COL21A1: variants seen among roughly 807,000 people sequenced by gnomAD.
COL21A1 encodes collagen type XXI alpha 1 chain.
Under a neutral mutation model 137.9 loss-of-function variants are expected in COL21A1, and 149 were observed. The observed-to-expected ratio is 1.08, with a 90% CI of 0.95 to 1.24. The LOEUF (loss-of-function observed/expected upper bound fraction) is 1.24, where lower values mean the gene tolerates loss of function less well. Ranked by LOEUF, COL21A1 falls within the 50% of genes most tolerant of loss-of-function variation. The pLI is 0.00. For missense variants in COL21A1, 1,167 were observed against 1,158.4 expected, an observed-to-expected ratio of 1.01 and a Z score of -0.11; for synonymous variants, 456 against 391.5, an observed-to-expected ratio of 1.16 and a Z score of -1.95.
intron 12 of COL21A1, among the ~76,000 whole-genome samples, chr6:56,135,293 T>G (rs1773911155): frequency 6.6e-6 from 1 of 151,696 alleles, no homozygotes; most frequent in African/African-American, 2.4e-5. Flanking sequence ...CACAGCCCAG[T>G]AGGAAAATAA....
intron 1 of COL21A1, among the ~76,000 whole-genome samples, chr6:56,221,836 G>A (rs904510816): frequency 6.6e-6 from 1 of 152,076 alleles, no homozygotes; most frequent in African/African-American, 2.4e-5. Context: ...TTCTATTTCA[G>A]AATCAAAATG....
At chr6:56,236,631 C>T (rs1367127973) in intron 1 of COL21A1, among the ~76,000 whole-genome samples, 3 of 152,034 alleles carry the variant, frequency 2.0e-5, no homozygotes, top group African/African-American at 4.8e-5. Flanking sequence ...CAGATGATAT[C>T]TTCCACAGTG....
intron 1 of COL21A1, among the ~76,000 whole-genome samples, chr6:56,350,466 A>T (rs1765688629): frequency 6.6e-6 from 1 of 152,214 alleles, no homozygotes; most frequent in Admixed American, 6.5e-5. Context: ...TTCATCCCTC[A>T]AAAGCGTATT....
At chr6:56,129,713 A>AGG (rs796334942) in intron 12 of COL21A1, among the ~76,000 whole-genome samples, 86 of 147,234 alleles carry the variant, frequency 5.8e-4, no homozygotes, top group African/African-American at 2.0e-3. Context: ...AGAGAGAGAG[A>AGG]GAGAGAGAGA....
At chr6:56,200,965 G>C (rs1344925788) in intron 1 of COL21A1, among the ~76,000 whole-genome samples, 1 of 152,098 alleles carries the variant, frequency 6.6e-6, no homozygotes, top group Non-Finnish European at 1.5e-5. Context: ...TCCAGCACCT[G>C]TTGTTTCCTG....
rs376819878 is a variant in COL21A1 at position 56,344,461 on chromosome 6, C to T, written c.-39+49510G>A. Among the ~76,000 whole-genome samples the T allele has an allele frequency of 1.5e-4, 23 of 152,236 alleles. 1 individual carries two copies. Among genetic ancestry groups the T allele is most frequent in the African/African-American group, 5.3e-4 (22 of 41,528 alleles). On this transcript the variant is annotated intron_variant, in intron 1 of 28. Transcript: ENST00000370819. ...AAGTAAAAATTAAAGTAGCATTTGT[C>T]TAACTACAAAACAACATTTTTCTGT...
chr6:56,097,599 G>C (rs2114235292), intron 17 of COL21A1, among the ~76,000 whole-genome samples: 2 of 150,722 alleles, frequency 1.3e-5, no homozygotes, highest in Middle Eastern at 6.8e-3. Flanking sequence ...AATTATTCTA[G>C]TGCAACAACT....
intron 16 of COL21A1, among the ~76,000 whole-genome samples, chr6:56,117,785 G>C (rs747848748): frequency 4.0e-5 from 6 of 151,772 alleles, no homozygotes; most frequent in Non-Finnish European, 7.4e-5. Flanking sequence ...GAGGTATTTT[G>C]GAAACTATAC....
chr6:56,290,510 T>TC (rs951492408), intron 1 of COL21A1, among the ~76,000 whole-genome samples: 1 of 147,500 alleles, frequency 6.8e-6, no homozygotes, highest in Non-Finnish European at 1.5e-5. Context: ...TTTTTTTTTT[T>TC]TTTTTTTGAG....
In COL21A1 at chr6:56,317,365, C is replaced by T. The variant is rs75284811; in HGVS notation, c.-39+76606G>A. ...CTATCCCTTTATTTTCTCAATAACA[C>T]TGTGGCTCTCTGCTGCAATCCCCCA... is the stretch of plus-strand genomic sequence containing the variant. On this transcript the variant is annotated intron_variant, in intron 1 of 28. Transcript: ENST00000370819. Among the ~76,000 whole-genome samples the T allele has an allele frequency of 7.0e-3, 1,070 of 152,294 alleles. 10 individuals are homozygous for T. The highest frequency in any genetic ancestry group is 0.024 in the African/African-American group (1,002 of 41,558).
intron 12 of COL21A1, among the ~76,000 whole-genome samples, chr6:56,132,451 T>C (rs1312577032): frequency 6.6e-6 from 1 of 152,148 alleles, no homozygotes; most frequent in Non-Finnish European, 1.5e-5. Context: ...CTGCCAATAT[T>C]AAGTCAGATC....
At chr6:56,266,147 G>A (rs967781038) in intron 1 of COL21A1, among the ~76,000 whole-genome samples, 1 of 152,146 alleles carries the variant, frequency 6.6e-6, no homozygotes, top group East Asian at 1.9e-4. Flanking sequence ...AAAAGACAGT[G>A]AATTAGTGTT....
At chr6:56,248,624 C>T (rs545317459), upstream of COL21A1, among the ~76,000 whole-genome samples, 215 of 152,316 alleles carry the variant, frequency 1.4e-3, no homozygotes, top group African/African-American at 5.0e-3. Context: ...CTGGAATATA[C>T]AAGGTGCTCA....
chr6:56,127,206 C>T (rs1033445928), intron 12 of COL21A1, among the ~76,000 whole-genome samples: 4 of 152,200 alleles, frequency 2.6e-5, no homozygotes, highest in Non-Finnish European at 4.4e-5. Context: ...TCCTCAATTA[C>T]AGCTTTGGTT....
intron 12 of COL21A1, among the ~76,000 whole-genome samples, chr6:56,127,785 T>A (rs888195750): frequency 6.6e-6 from 1 of 152,286 alleles, no homozygotes; most frequent in South Asian, 2.1e-4. Context: ...AGGGTAGGGA[T>A]GGTAGGACTG....
chr6:56,212,522 T>C (rs1052728474), intron 1 of COL21A1, among the ~76,000 whole-genome samples: 1 of 152,080 alleles, frequency 6.6e-6, no homozygotes, highest in African/African-American at 2.4e-5. Flanking sequence ...TTAAGAATGA[T>C]TATAATTATC....
At chr6:56,162,707 T>G (rs1691490432) in intron 9 of COL21A1, among the ~76,000 whole-genome samples, 1 of 152,194 alleles carries the variant, frequency 6.6e-6, no homozygotes, top group African/African-American at 2.4e-5. Flanking sequence ...TTATATCTCA[T>G]GCAGGTCAAA....
intron 29 of COL21A1, among the ~76,000 whole-genome samples, chr6:56,058,320 T>A (rs1038029275): frequency 6.6e-6 from 1 of 152,186 alleles, no homozygotes; most frequent in Admixed American, 6.6e-5. Context: ...TACTTTAGTA[T>A]TATAGTCATC....
rs1400071407 is a variant in COL21A1, at chr6:56,129,695, TGTGTGA to T, written c.1543-3552_1543-3547del. On this transcript the variant is annotated intron_variant, in intron 12 of 29. Transcript: ENST00000244728. ...GCGTGCGTGTGTGTGTGTGTGTGTG[TGTGTGA>T]GAGAGAGAGAGAGAGAGAGAGACAG... Among the ~76,000 whole-genome samples, 19 of 99,872 alleles carry T rather than the reference TGTGTGA, an allele frequency of 1.9e-4. 1 individual carries two copies. The highest frequency in any genetic ancestry group is 6.2e-4 in the South Asian group (2 of 3,230). 65.5% of individuals were successfully genotyped at this position (99,872 alleles called of 152,430 possible).
Sources: gnomAD v4.1 joint callset for allele counts (sites outside exome capture counted in the v4.1 genomes callset) on GRCh38, gnomAD v4.1.1 for gene constraint, MANE v1.5 for transcripts, NCBI Gene and HGNC (gene_info 2026-07-23, HGNC 2026-07-21) for gene names.